The following GPR149 variants were observed in gnomAD, a reference collection of about 807,000 sequenced individuals.
GPR149 encodes the protein probable G protein-coupled receptor 149.
A neutral mutation model predicts 50.2 loss-of-function variants in GPR149; 50 were observed. The observed-to-expected ratio is 1.00, with a 90% CI of 0.79 to 1.26. The LOEUF (loss-of-function observed/expected upper bound fraction) is 1.26. Ranked by LOEUF, GPR149 falls within the 50% of genes most tolerant of loss-of-function variation. GPR149 has a pLI of 0.00. For missense variants in GPR149, 983 were observed against 895.4 expected (o/e 1.10, Z -1.25); for synonymous variants, 405 against 358.2 (o/e 1.13, Z -1.48).
At position 154,398,706 on chromosome 3, in the gene GPR149, G is replaced by A. The variant is rs192359876; in HGVS notation, c.1623+22333C>T. On this transcript the variant is annotated intron_variant, in intron 3 of 3. Transcript: ENST00000389740. ...TTCAAAAACCCAACTATTTCCATAT[G>A]TGCTCTTGGATCTTAAATAATTAAA... Among the ~76,000 whole-genome samples the A allele has an allele frequency of 1.1e-3, 167 of 152,212 alleles. 1 individual carries two copies. Among genetic ancestry groups the A allele is most frequent in the Non-Finnish European group, 2.1e-4 (14 of 67,988 alleles).
intron 3 of GPR149, among the ~76,000 whole-genome samples, chr3:154,376,347 A>G (rs1482113614): frequency 1.3e-5 from 2 of 152,216 alleles, no homozygotes; most frequent in African/African-American, 2.4e-5. Flanking sequence ...TTTCTCTGCT[A>G]TATATCAATA....
At chr3:154,352,305 C>T (rs558634764) in intron 3 of GPR149, 12 of 914,354 alleles carry the variant, frequency 1.3e-5, no homozygotes, top group Non-Finnish European at 2.1e-5. Flanking sequence ...GCCACTTGAC[C>T]AGCCATTCCT....
intron 3 of GPR149, among the ~76,000 whole-genome samples, chr3:154,343,331 C>T (rs1004464201): frequency 4.0e-5 from 6 of 151,824 alleles, no homozygotes; most frequent in Non-Finnish European, 5.9e-5. Flanking sequence ...ATTTCACTTT[C>T]GGTATTTCTA....
chr3:154,355,660 T>C (rs1714202490), intron 3 of GPR149, among the ~76,000 whole-genome samples: 1 of 152,190 alleles, frequency 6.6e-6, no homozygotes, highest in Admixed American at 6.5e-5. Flanking sequence ...CTGATTGTAA[T>C]TTAACAAGAA....
intron 3 of GPR149, among the ~76,000 whole-genome samples, chr3:154,401,220 G>C (rs530835776): frequency 6.6e-6 from 1 of 152,264 alleles, no homozygotes; most frequent in Admixed American, 6.5e-5. Flanking sequence ...TGCTTTTTGT[G>C]TTGACACTTT....
chr3:154,411,399 T>C (rs568162178), intron 3 of GPR149, among the ~76,000 whole-genome samples: 57 of 151,930 alleles, frequency 3.8e-4, no homozygotes, highest in Middle Eastern at 3.4e-3. Context: ...AAAAGATAAA[T>C]TAAACAAATA....
intron 3 of GPR149, among the ~76,000 whole-genome samples, chr3:154,377,365 TTATTA>T (rs1714816982): frequency 6.8e-6 from 1 of 147,992 alleles, no homozygotes; most frequent in African/African-American, 2.5e-5. Context: ...ATTATTATTA[TTATTA>T]TTATTATTAT....
At chr3:154,369,728 A>G (rs1164339513) in intron 3 of GPR149, among the ~76,000 whole-genome samples, 1 of 152,256 alleles carries the variant, frequency 6.6e-6, no homozygotes, top group Non-Finnish European at 1.5e-5. Flanking sequence ...AAATTCTCAA[A>G]TGATCCTTAT....
chr3:154,354,112 T>C, intron 3 of GPR149: 1 of 499,906 alleles, frequency 2.0e-6, no homozygotes, highest in Non-Finnish European at 3.9e-6. Flanking sequence ...TTCTTCAGTG[T>C]CTCCATTTAG....
At position 154,427,695 on chromosome 3, in the gene GPR149, A is replaced by T; in HGVS notation, c.995T>A (p.Val332Asp). The change falls in exon 2 of 4, where the codon GTC (valine) becomes GAC (aspartate). Residue 332 changes from valine (V) to aspartate (D), a missense_variant. By Grantham distance (152) the Val-to-Asp change is radical (BLOSUM62 -3). Coordinates refer to ENST00000389740, the MANE Select transcript of GPR149 (RefSeq NM_001038705.3). ...GCTCTGAAACCCCACGACGTTCTGG[A>T]CCACCATGTGCATCTGCAAGGGCAA... is the stretch of plus-strand genomic sequence containing the variant. ...LWLPMMMHMVVQNVVGFQSLP... is the reference protein window; with the variant it reads ...LWLPMMMHMVDQNVVGFQSLP... 11 of 1,612,524 alleles carry T rather than the reference A, an allele frequency of 6.8e-6. No individual in the cohort carries two copies. The highest frequency in any genetic ancestry group is 9.3e-6 in the Non-Finnish European group (11 of 1,179,204).
rs1713669626 is a variant in GPR149 at position 154,337,009 on chromosome 3, A to G, written c.*690T>C. The G allele has an allele frequency of 6.6e-6, 1 of 152,102 alleles. No individual in the cohort carries two copies. Among genetic ancestry groups the G allele is most frequent in the Non-Finnish European group, 1.5e-5 (1 of 67,984 alleles). The allele number at this position is 152,102 out of a possible 1,614,324, so 9.4% of individuals were successfully genotyped here. A position where few individuals can be genotyped will look rare whatever the true frequency, so the allele number is the denominator to read the frequency against. ...CTTCTAATTCCACCTCTAACACACA[A>G]TATATTTGTTTTATGGGACAGTCTT... On this transcript the variant is annotated 3_prime_UTR_variant, in exon 4 of 4. Coordinates refer to ENST00000389740, the MANE Select transcript of GPR149 (RefSeq NM_001038705.3).
intron 3 of GPR149, among the ~76,000 whole-genome samples, chr3:154,393,625 T>G (rs2136837): frequency 0.52 from 79,302 of 151,718 alleles, 21,321 homozygotes; most frequent in Middle Eastern, 0.68. Context: ...AAGAAAAAGT[T>G]AAAGTTATCC....
chr3:154,394,831 CT>C (rs1715253815), intron 3 of GPR149, among the ~76,000 whole-genome samples: 1 of 152,126 alleles, frequency 6.6e-6, no homozygotes, highest in South Asian at 2.1e-4. Context: ...CTCAACATCA[CT>C]AGTCATCAGA....
At position 154,338,240 on chromosome 3, in the gene GPR149, C is replaced by T. The variant is rs1175483169; in HGVS notation, c.1655G>A (p.Cys552Tyr). The change falls in exon 4 of 4, where the codon TGT (cysteine) becomes TAT (tyrosine). Residue 552 changes from cysteine (C) to tyrosine (Y), a missense_variant. Coordinates refer to ENST00000389740, the MANE Select transcript of GPR149 (RefSeq NM_001038705.3). ...GAGAGACACAGTCCCCTGGAATGCA[C>T]ACAAGGGAATGGCAAGGGCATAACC... ...RSGYALAIPL[C>Y]AFQGTVSLHA... The T allele has an allele frequency of 6.3e-7, 1 of 1,594,876 alleles. No homozygotes were observed. Among genetic ancestry groups the T allele is most frequent in the African/African-American group, 1.4e-5 (1 of 73,764 alleles).
At chr3:154,356,360 G>A (rs1388853384) in intron 3 of GPR149, among the ~76,000 whole-genome samples, 1 of 152,128 alleles carries the variant, frequency 6.6e-6, no homozygotes, top group Non-Finnish European at 1.5e-5. Context: ...GAAATAAAGG[G>A]TATTCAATCA....
chr3:154,414,680 A>G (rs1263747604), intron 3 of GPR149, among the ~76,000 whole-genome samples: 2 of 152,034 alleles, frequency 1.3e-5, no homozygotes, highest in Non-Finnish European at 2.9e-5. Context: ...ACCTTTTGAG[A>G]TGATGCACTA....
At chr3:154,413,730 A>G (rs1449082687) in intron 3 of GPR149, among the ~76,000 whole-genome samples, 1 of 152,030 alleles carries the variant, frequency 6.6e-6, no homozygotes, top group Admixed American at 6.6e-5. Context: ...TACAACCACT[A>G]TAGAAAACAG....
intron 2 of GPR149, among the ~76,000 whole-genome samples, chr3:154,425,889 A>G (rs1022922973): frequency 5.3e-5 from 8 of 152,106 alleles, no homozygotes; most frequent in Admixed American, 5.2e-4. Context: ...CTTTGTTTTC[A>G]GCTCTGAGAT....
intron 3 of GPR149, among the ~76,000 whole-genome samples, chr3:154,416,838 T>C (rs922170779): frequency 2.2e-4 from 33 of 152,058 alleles, no homozygotes; most frequent in Admixed American, 5.2e-4. Context: ...AACACCCTAC[T>C]GGCAAAATGG....
Sources: gnomAD v4.1 joint callset for allele counts (sites outside exome capture counted in the v4.1 genomes callset) on GRCh38, gnomAD v4.1.1 for gene constraint, MANE v1.5 for transcripts, NCBI Gene and HGNC (gene_info 2026-07-23, HGNC 2026-07-21) for gene names.